Variants in USP53 observed in about 807,000 individuals in gnomAD.
USP53 encodes the protein ubiquitin specific peptidase 53.
USP53 carries 71 observed loss-of-function variants against 94.9 expected under a neutral mutation model. The observed-to-expected ratio is 0.75, with a 90% confidence interval of 0.62 to 0.91. USP53 has a LOEUF of 0.91. USP53 is among the 40% of genes least tolerant of loss of function. The pLI is 0.00. For synonymous variants in USP53, 375 were observed against 422.7 expected (o/e 0.89, Z 1.39); for missense variants, 1,173 against 1,281.0 (o/e 0.92, Z 1.29).
At chr4:119,236,750 C>T (rs6814682) in intron 4 of USP53, among the ~76,000 whole-genome samples, 3,247 of 152,306 alleles carry the variant, frequency 0.021, 117 homozygotes, top group African/African-American at 0.073. Context: ...TTGCTGTTTA[C>T]ATCCAGTTAC....
At position 119,271,811 on chromosome 4, in the gene USP53, G is replaced by A. The variant is rs1345206932; in HGVS notation, c.1951G>A (p.Gly651Arg). The change falls in exon 16 of 19, where the codon GGA becomes AGA. Residue 651 changes from glycine (G) to arginine (R), a missense_variant. Coordinates refer to ENST00000692078, the MANE Select transcript of USP53 (RefSeq NM_001371395.1). ...TGAAGATGAAATGAAGCAGGAAATA[G>A]GAAGCAGAAGTTCCCTTGAATCTAA... ...IYEDEMKQEI[G>R]SRSSLESNGK... is the part of the protein sequence containing the mutation. The A allele has an allele frequency of 3.1e-6, 5 of 1,612,538 alleles. No individual in the cohort carries two copies. The highest frequency in any genetic ancestry group is 4.2e-6 in the Non-Finnish European group (5 of 1,179,688).
rs565850232 is a variant in USP53 at position 119,292,385 on chromosome 4, T to C, written c.2396T>C (p.Leu799Pro). 10 of 1,611,976 alleles carry C rather than the reference T, an allele frequency of 6.2e-6. No individual in the cohort carries two copies. Among genetic ancestry groups the C allele is most frequent in the Non-Finnish European group, 8.5e-6 (10 of 1,179,366 alleles). ...DNGKLFPSSSLQIPKDHNARE... is the reference protein window; with the variant it reads ...DNGKLFPSSSPQIPKDHNARE... Reference sequence around the variant, plus strand: ...GGAAAGTTATTTCCTTCATCCAGTCTACAAATACCCAAGGACCATAATGCA... The same window carrying C: ...GGAAAGTTATTTCCTTCATCCAGTCCACAAATACCCAAGGACCATAATGCA... Residue 799 changes from leucine to proline, a missense_variant, in exon 19 of 19, where the codon CTA (leucine) becomes CCA (proline). Leu to Pro is a moderately conservative substitution (Grantham distance 98). Transcript: ENST00000692078.
At chr4:119,226,678 T>G (rs994737404) in intron 3 of USP53, among the ~76,000 whole-genome samples, 11 of 151,842 alleles carry the variant, frequency 7.2e-5, no homozygotes, top group Non-Finnish European at 1.6e-4. Flanking sequence ...ACGTTATTTA[T>G]TTTTTTTGAA....
chr4:119,291,221 C>T lies in USP53; in HGVS notation c.2308C>T (p.Pro770Ser). 1 of 1,597,126 alleles carries T rather than the reference C, an allele frequency of 6.3e-7. No homozygotes were observed. Among genetic ancestry groups the T allele is most frequent in the Non-Finnish European group, 8.5e-7 (1 of 1,171,880 alleles). Residue 770 changes from proline to serine, a missense_variant, in exon 18 of 19, where the codon CCA becomes TCA. Transcript: ENST00000692078. ...AGGCTATAAATCTCATGAATTCCAC[C>T]CAGAATCACATTTACAAATAAAAAA... ...EAGYKSHEFH[P>S]ESHLQIKNHL...
At chr4:119,248,630 A>C in intron 6 of USP53, 118 bp from the exon 7 acceptor site, 1 of 1,262,502 alleles carries the variant, frequency 7.9e-7, no homozygotes, top group Non-Finnish European at 1.1e-6. Context: ...TTTTAGAGCA[A>C]AAGACTTCTG....
chr4:119,228,183 C>G (rs771487280), intron 3 of USP53, among the ~76,000 whole-genome samples: 1 of 152,192 alleles, frequency 6.6e-6, no homozygotes, highest in African/African-American at 2.4e-5. Flanking sequence ...ATGGGCTGGC[C>G]TTTTATCTGG....
intron 3 of USP53, among the ~76,000 whole-genome samples, chr4:119,230,257 T>C (rs1745888081): frequency 6.6e-6 from 1 of 152,210 alleles, no homozygotes; most frequent in Non-Finnish European, 1.5e-5. Context: ...ATAAAACATA[T>C]ATGTTTTCAC....
At chr4:119,232,223 T>G (rs1359093531) in intron 3 of USP53, among the ~76,000 whole-genome samples, 1 of 152,162 alleles carries the variant, frequency 6.6e-6, no homozygotes, top group Non-Finnish European at 1.5e-5. Context: ...ATTACCACAG[T>G]CAATTTTGGA....
At position 119,212,763 on chromosome 4, in the gene USP53, T is replaced by TGGGCCAGCGGCCCA. The variant is rs1561161326; in HGVS notation, c.-1051_-1050insGGCCAGCGGCCCAG. ...GGCAGCAGTCAGTGTGTCTGGCGGGTGTCGGCGTGAAGCGGGGCTGGGCCA... is the reference window on the plus strand; with the variant it reads ...GGCAGCAGTCAGTGTGTCTGGCGGGTGGGCCAGCGGCCCAGTCGGCGTGAAGCGGGGCTGGGCCA... On this transcript the variant is annotated 5_prime_UTR_variant, in exon 1 of 19. Transcript: ENST00000692078. 3.2e-6 allele frequency: 1 copy of TGGGCCAGCGGCCCA among 312,524 alleles called. No individual in the cohort carries two copies. The highest frequency in any genetic ancestry group is 6.5e-6 in the Non-Finnish European group (1 of 154,714). 19.4% of individuals were successfully genotyped at this position (312,524 alleles called of 1,614,324 possible). A position where few individuals can be genotyped will look rare whatever the true frequency, so the allele number is the denominator to read the frequency against.
chr4:119,289,911 G>C (rs1315790469), intron 17 of USP53, among the ~76,000 whole-genome samples: 2 of 152,038 alleles, frequency 1.3e-5, no homozygotes, highest in African/African-American at 2.4e-5. Context: ...TAGTTTTCAG[G>C]GTTTTGTTTG....
chr4:119,240,788 T>G (rs1747421405), intron 5 of USP53, among the ~76,000 whole-genome samples: 1 of 152,158 alleles, frequency 6.6e-6, no homozygotes, highest in African/African-American at 2.4e-5. Context: ...CTGAGACAGA[T>G]GCCAAACTTG....
intron 2 of USP53, among the ~76,000 whole-genome samples, 178 bp downstream of exon 2, chr4:119,214,400 T>G (rs1197338233): frequency 6.6e-6 from 1 of 152,078 alleles, no homozygotes; most frequent in Non-Finnish European, 1.5e-5. Context: ...TATTTCTTCC[T>G]AACGTGTAAA....
chr4:119,256,095 A>G (rs1749730392), intron 7 of USP53, 151 bp from the exon 8 acceptor site: 5 of 568,422 alleles, frequency 8.8e-6, no homozygotes, highest in Non-Finnish European at 1.5e-5. Flanking sequence ...ACATTCGATC[A>G]AAGTGTTGAT....
At position 119,259,826 on chromosome 4, in the gene USP53, G is replaced by A; in HGVS notation, c.576G>A (p.Glu192=). 1.2e-6 allele frequency: 2 copies of A among 1,608,078 alleles called. No individual in the cohort carries two copies. Among genetic ancestry groups the A allele is most frequent in the Non-Finnish European group, 1.7e-6 (2 of 1,177,388 alleles). ...RYISTTALCN[E]VERMLERHER... is the part of the protein sequence containing the mutation. The stretch of plus-strand genomic sequence containing the variant: ...ATTGCTTCTTTTTTTGTAGCAATGA[G>A]GTTGAAAGAATGTTGGAAAGGCATG... The change falls in exon 10 of 19, where the codon GAG becomes GAA. Residue 192 remains glutamate (E), a synonymous_variant. Transcript: ENST00000692078.
At chr4:119,213,477 G>T (rs182572430) in intron 1 of USP53, among the ~76,000 whole-genome samples, 1 of 151,846 alleles carries the variant, frequency 6.6e-6, no homozygotes, top group Non-Finnish European at 1.5e-5. Context: ...TGGAGAACAG[G>T]AAGTACTTGC....
chr4:119,291,837 G>A (rs1578588881), intron 18 of USP53, among the ~76,000 whole-genome samples: 1 of 151,896 alleles, frequency 6.6e-6, no homozygotes, highest in Non-Finnish European at 1.5e-5. Context: ...AGGCAACATA[G>A]CAAGACCCTC....
intron 7 of USP53, among the ~76,000 whole-genome samples, chr4:119,249,732 T>C (rs111750044): frequency 7.4e-4 from 109 of 147,196 alleles, no homozygotes; most frequent in African/African-American, 2.7e-3. Flanking sequence ...TGGTGTGATC[T>C]CGGCTCACTG....
chr4:119,260,063 A>G, intron 10 of USP53, 138 bp downstream of exon 10: 1 of 545,760 alleles, frequency 1.8e-6, no homozygotes, highest in Non-Finnish European at 2.9e-6. Flanking sequence ...ATTTTAGATT[A>G]TACCATGTGT....
chr4:119,244,830 A>G (rs1250660116), intron 5 of USP53, among the ~76,000 whole-genome samples: 1 of 152,186 alleles, frequency 6.6e-6, no homozygotes, highest in Non-Finnish European at 1.5e-5. Context: ...CCATTACCAC[A>G]CAGGCCCCCT....
Sources: allele counts gnomAD v4.1 joint callset (sites outside exome capture counted in the v4.1 genomes callset), GRCh38; gene constraint gnomAD v4.1.1; transcripts MANE v1.5; gene names NCBI Gene and HGNC (gene_info 2026-07-23, HGNC 2026-07-21).